Variants in MRPS35 observed in about 807,000 individuals in gnomAD.
MRPS35 encodes small ribosomal subunit protein mS35.
Under a neutral mutation model 32.7 loss-of-function variants are expected in MRPS35, and 29 were observed. The ratio of observed to expected loss-of-function variants is 0.89; its 90% CI spans 0.66 to 1.21. MRPS35 has a LOEUF of 1.21. Among genes scored for constraint, MRPS35 ranks in the 50% most tolerant of loss-of-function variants. MRPS35 has a pLI of 0.00. For synonymous variants in MRPS35, 148 were observed against 139.3 expected (o/e 1.06, Z -0.44); for missense variants, 373 against 383.8 (o/e 0.97, Z 0.23).
intron 5 of MRPS35, among the ~76,000 whole-genome samples, chr12:27,724,776 TCTA>T (rs2061893239): frequency 6.6e-6 from 1 of 151,982 alleles, no homozygotes; most frequent in South Asian, 2.1e-4. Context: ...TGCCCGTAAA[TCTA>T]CTATTTGTAA....
chr12:27,729,539 A>G (rs757837519), intron 5 of MRPS35, among the ~76,000 whole-genome samples: 13 of 152,130 alleles, frequency 8.5e-5, no homozygotes, highest in Non-Finnish European at 1.8e-4. Flanking sequence ...AACCTCAAGT[A>G]TGAGGTAGGA....
chr12:27,727,552 T>G (rs2061905462), intron 5 of MRPS35, among the ~76,000 whole-genome samples: 1 of 152,136 alleles, frequency 6.6e-6, no homozygotes, highest in Admixed American at 6.5e-5. Flanking sequence ...AAATACATAA[T>G]GATGTTTGTA....
chr12:27,742,223 C>T (rs1375360038), intron 7 of MRPS35, among the ~76,000 whole-genome samples: 7 of 152,146 alleles, frequency 4.6e-5, no homozygotes, highest in Non-Finnish European at 8.8e-5. Flanking sequence ...TTTAATCTGT[C>T]GGATTTATGA....
intron 7 of MRPS35, among the ~76,000 whole-genome samples, chr12:27,743,183 G>A (rs928245361): frequency 4.6e-5 from 7 of 151,834 alleles, no homozygotes; most frequent in African/African-American, 1.2e-4. Flanking sequence ...TTCACTGTTC[G>A]TGAAAGAGTA....
intron 5 of MRPS35, among the ~76,000 whole-genome samples, chr12:27,734,041 G>A (rs1344684866): frequency 6.6e-6 from 1 of 152,110 alleles, no homozygotes; most frequent in African/African-American, 2.4e-5. Flanking sequence ...AAAATAAATA[G>A]GCTACTATAC....
chr12:27,729,358 G>A (rs7976850), intron 5 of MRPS35, among the ~76,000 whole-genome samples: 10,055 of 151,950 alleles, frequency 0.066, 443 homozygotes, highest in South Asian at 0.098. Context: ...TGATTCTTTC[G>A]GAAATTTCTC....
intron 1 of MRPS35, 118 bp downstream of exon 1, chr12:27,711,073 G>A (rs1031584928): frequency 3.7e-5 from 32 of 869,418 alleles, no homozygotes; most frequent in African/African-American, 3.0e-4. Flanking sequence ...CAGTGCGTCC[G>A]CTGCCAGGCC....
In MRPS35 at chr12:27,756,283, A is replaced by G. The variant is rs1158245560; in HGVS notation, c.*833A>G. Reference sequence around the variant, plus strand: ...ATTAATTTAAAATCAAAATAAAGGAATTACTGAGTTTATTTGCCTAATAGA... The same window carrying G: ...ATTAATTTAAAATCAAAATAAAGGAGTTACTGAGTTTATTTGCCTAATAGA... On this transcript the variant is annotated 3_prime_UTR_variant, in exon 8 of 8. Transcript: ENST00000081029. 2 of 152,266 alleles carry G rather than the reference A, an allele frequency of 1.3e-5. No individual in the cohort carries two copies. The highest frequency in any genetic ancestry group is 2.1e-4 in the South Asian group (1 of 4,838). 9.4% of individuals were successfully genotyped at this position (152,266 alleles called of 1,614,324 possible). A position where few individuals can be genotyped will look rare whatever the true frequency, so the allele number is the denominator to read the frequency against.
intron 7 of MRPS35, among the ~76,000 whole-genome samples, chr12:27,740,268 T>C (rs2061958886): frequency 9.5e-6 from 1 of 105,112 alleles, no homozygotes; most frequent in South Asian, 2.9e-4. Flanking sequence ...TTCCTTTGGC[T>C]TTTTTTTTTT....
intron 1 of MRPS35, 50 bp from the exon 2 acceptor site, chr12:27,714,730 C>A: frequency 7.1e-7 from 1 of 1,411,864 alleles, no homozygotes; most frequent in Non-Finnish European, 9.9e-7. Context: ...GAACAACTAA[C>A]TTGACATGAT....
intron 2 of MRPS35, among the ~76,000 whole-genome samples, chr12:27,715,729 T>G (rs1001189053): frequency 6.6e-6 from 1 of 152,208 alleles, no homozygotes; most frequent in African/African-American, 2.4e-5. Context: ...AAACCCTACT[T>G]TTGTATGTGG....
At chr12:27,734,946 CTG>C (rs989970896) in intron 5 of MRPS35, among the ~76,000 whole-genome samples, 3 of 152,162 alleles carry the variant, frequency 2.0e-5, no homozygotes, top group African/African-American at 7.2e-5. Flanking sequence ...TTCCCTGATG[CTG>C]TATTCCAGCT....
chr12:27,742,217 A>G (rs1454655115), intron 7 of MRPS35, among the ~76,000 whole-genome samples: 1 of 152,228 alleles, frequency 6.6e-6, no homozygotes, highest in African/African-American at 2.4e-5. Context: ...TCACCATTTA[A>G]TCTGTCGGAT....
At chr12:27,716,268 C>T in intron 2 of MRPS35, 23 bp from the exon 3 acceptor site, 1 of 1,512,544 alleles carries the variant, frequency 6.6e-7, no homozygotes, top group Non-Finnish European at 8.8e-7. Flanking sequence ...ATTTAAAATA[C>T]TAAACGATTT....
Position 27,735,435 on chromosome 12 carries a change from C to G in MRPS35, c.523-12C>G, listed in dbSNP as rs2061939576. On this transcript the variant is annotated splice_polypyrimidine_tract_variant and intron_variant, in intron 5 of 7. Coordinates refer to ENST00000081029, the MANE Select transcript of MRPS35 (RefSeq NM_021821.4). ...GAAATTATTTTTTCAAATAACTTTTCTTATTTTTAAGGTAAAGCTTTCCAG... is the reference window on the plus strand; with the variant it reads ...GAAATTATTTTTTCAAATAACTTTTGTTATTTTTAAGGTAAAGCTTTCCAG... 6.4e-7 allele frequency: 1 copy of G among 1,558,568 alleles called. No individual in the cohort carries two copies. The highest frequency in any genetic ancestry group is 1.4e-5 in the African/African-American group (1 of 72,556).
At chr12:27,746,179 T>A (rs1446285322) in intron 7 of MRPS35, among the ~76,000 whole-genome samples, 1 of 152,198 alleles carries the variant, frequency 6.6e-6, no homozygotes, top group Non-Finnish European at 1.5e-5. Flanking sequence ...GAGCTCTGAT[T>A]GTGAATAATT....
chr12:27,742,354 G>T (rs951662025), intron 7 of MRPS35, among the ~76,000 whole-genome samples: 1 of 152,192 alleles, frequency 6.6e-6, no homozygotes, highest in Non-Finnish European at 1.5e-5. Context: ...TACAAGATAT[G>T]TTGCTAGGTG....
At chr12:27,741,636 C>A (rs2061965031) in intron 7 of MRPS35, among the ~76,000 whole-genome samples, 1 of 152,096 alleles carries the variant, frequency 6.6e-6, no homozygotes, top group Non-Finnish European at 1.5e-5. Context: ...TTGATGATAA[C>A]ACAACTTCCT....
rs140579752 is a variant in MRPS35, at chr12:27,736,481, T to C, written c.632+925T>C. Among the ~76,000 whole-genome samples, 59 of 148,404 alleles carry C rather than the reference T, an allele frequency of 4.0e-4. No homozygotes were observed. The East Asian group carries it at 0.011, about 27-fold the overall frequency. ...TAAAATGTTATTGTTTGAAATTCTG[T>C]GAGTATCCAATAATGTTGCTTTTTT... On this transcript the variant is annotated intron_variant, in intron 6 of 7. Transcript: ENST00000081029.
Sources: gnomAD v4.1 joint callset for allele counts (sites outside exome capture counted in the v4.1 genomes callset) on GRCh38, gnomAD v4.1.1 for gene constraint, MANE v1.5 for transcripts, NCBI Gene and HGNC (gene_info 2026-07-23, HGNC 2026-07-21) for gene names.